CDH18: variants seen among roughly 807,000 people sequenced by gnomAD.
CDH18 encodes cadherin-18.
CDH18 carries 31 observed loss-of-function variants against 67.9 expected under a neutral mutation model. The ratio of observed to expected loss-of-function variants is 0.46; its 90% CI spans 0.34 to 0.62. The LOEUF is 0.62. CDH18 is among the 20% of genes least tolerant of loss of function. CDH18 has a pLI of 0.01. For synonymous variants in CDH18, 362 were observed against 347.2 expected (o/e 1.04, Z -0.48); for missense variants, 890 against 975.5 (o/e 0.91, Z 1.17).
chr5:19,582,124 T>C (rs1302125177), intron 7 of CDH18, among the ~76,000 whole-genome samples: 1 of 152,016 alleles, frequency 6.6e-6, no homozygotes, highest in Non-Finnish European at 1.5e-5. Flanking sequence ...CATTATATTA[T>C]ACAGAAAGTA....
chr5:19,968,988 A>C lies in CDH18; in HGVS notation c.-257+12072T>G, dbSNP rs1392630002. Among the ~76,000 whole-genome samples the C allele has an allele frequency of 1.3e-4, 17 of 134,152 alleles. No individual in the cohort carries two copies. In the South Asian group the frequency reaches 3.2e-3, roughly 25 times the overall value. 88.0% of individuals were successfully genotyped at this position (134,152 alleles called of 152,430 possible). ...CCAGAATCTACAATGAACTCAAACA[A>C]ATTTACAAGAAAAAAACAAACAACC... is the stretch of plus-strand genomic sequence containing the variant. On this transcript the variant is annotated intron_variant, in intron 2 of 12. Transcript: ENST00000382275.
At chr5:20,547,505 G>A (rs1035942156) in intron 1 of CDH18, among the ~76,000 whole-genome samples, 2 of 151,116 alleles carry the variant, frequency 1.3e-5, no homozygotes, top group African/African-American at 4.9e-5. Context: ...AGGTTGCAAT[G>A]AGTCGAGATC....
At chr5:20,412,903 G>A (rs1433628259) in intron 1 of CDH18, among the ~76,000 whole-genome samples, 1 of 152,122 alleles carries the variant, frequency 6.6e-6, no homozygotes, top group Non-Finnish European at 1.5e-5. Context: ...ATGTTGGTTT[G>A]CTGCACCCAT....
intron 2 of CDH18, among the ~76,000 whole-genome samples, chr5:20,242,599 A>ATATATACATAT (rs1314359446): frequency 1.4e-5 from 1 of 69,852 alleles, no homozygotes; most frequent in African/African-American, 9.6e-5. Context: ...ATTGAGGGAA[A>ATATATACATAT]AAAAAAAAAA....
At chr5:20,095,356 AAAGAAAAGACAG>A (rs1745825738) in intron 2 of CDH18, among the ~76,000 whole-genome samples, 1 of 126,510 alleles carries the variant, frequency 7.9e-6, no homozygotes, top group Admixed American at 8.4e-5. Flanking sequence ...AGAAAGAAAG[AAAGAAAAGACAG>A]AAGAAAGAAA....
intron 1 of CDH18, among the ~76,000 whole-genome samples, chr5:20,457,847 T>C (rs1750952812): frequency 6.6e-6 from 1 of 152,088 alleles, no homozygotes; most frequent in South Asian, 2.1e-4. Context: ...CATTACCTAG[T>C]ACAGTGGCAG....
chr5:19,625,184 T>C lies in CDH18; in HGVS notation c.644-12583A>G, dbSNP rs1751343514. On this transcript the variant is annotated intron_variant, in intron 5 of 12. Transcript: ENST00000382275. ...GTCCTCATACCACCCTCAGTAATAC[T>C]GGCCCCAGGCAATTATGCCTATCCT... 9.2e-5 allele frequency among the ~76,000 whole-genome samples: 14 copies of C among 152,320 alleles called. No homozygotes were observed. The South Asian group carries it at 2.9e-3, about 32-fold the overall frequency.
chr5:20,203,574 G>C (rs1193268042), intron 2 of CDH18, among the ~76,000 whole-genome samples: 2 of 93,272 alleles, frequency 2.1e-5, no homozygotes, highest in Non-Finnish European at 4.0e-5. Context: ...TGACCTAGTG[G>C]AGGGAAAAGA....
At chr5:19,954,475 C>A (rs1796070973) in intron 2 of CDH18, among the ~76,000 whole-genome samples, 1 of 151,808 alleles carries the variant, frequency 6.6e-6, no homozygotes, top group South Asian at 2.1e-4. Context: ...CAAAATATCC[C>A]AAATTAGACT....
At chr5:20,139,304 T>C (rs893309689) in intron 2 of CDH18, among the ~76,000 whole-genome samples, 5 of 152,106 alleles carry the variant, frequency 3.3e-5, no homozygotes, top group African/African-American at 1.2e-4. Flanking sequence ...ACACCTTATA[T>C]AAAAATTAAT....
At chr5:19,520,879 A>C (rs1746794356) in intron 9 of CDH18, 101 bp from the exon 10 acceptor site, 1 of 1,285,538 alleles carries the variant, frequency 7.8e-7, no homozygotes. Flanking sequence ...CTGGTTCCAT[A>C]TGCCATAGCT....
intron 9 of CDH18, among the ~76,000 whole-genome samples, chr5:19,532,966 C>T (rs1040838809): frequency 2.0e-5 from 3 of 152,052 alleles, no homozygotes; most frequent in African/African-American, 4.8e-5. Context: ...TGCAGCATGT[C>T]GAGTTTGAGA....
intron 1 of CDH18, among the ~76,000 whole-genome samples, chr5:20,491,241 G>C (rs1364770459): frequency 6.6e-6 from 1 of 151,370 alleles, no homozygotes; most frequent in Non-Finnish European, 1.5e-5. Context: ...TTAGAAACTT[G>C]AGTATAGTCT....
intron 4 of CDH18, among the ~76,000 whole-genome samples, chr5:19,732,197 T>C (rs1008424601): frequency 2.7e-5 from 4 of 150,494 alleles, no homozygotes. Flanking sequence ...CACAGAACTG[T>C]GGGAGGCCAA....
intron 1 of CDH18, among the ~76,000 whole-genome samples, chr5:20,486,887 A>G (rs549082334): frequency 2.0e-5 from 3 of 152,128 alleles, no homozygotes; most frequent in Non-Finnish European, 4.4e-5. Flanking sequence ...GATTTAAACC[A>G]GATATGGTTT....
chr5:20,308,209 C>T (rs1736655676), intron 1 of CDH18, among the ~76,000 whole-genome samples: 1 of 147,514 alleles, frequency 6.8e-6, no homozygotes, highest in Non-Finnish European at 1.5e-5. Context: ...ACTTCTAAAA[C>T]ATTTTTGTTA....
chr5:19,820,700 C>T (rs1174553261), intron 3 of CDH18, among the ~76,000 whole-genome samples: 1 of 152,186 alleles, frequency 6.6e-6, no homozygotes, highest in Non-Finnish European at 1.5e-5. Context: ...GGGGTTCCCC[C>T]AAGGCCCAGG....
At chr5:20,470,484 T>C (rs1383771824) in intron 1 of CDH18, among the ~76,000 whole-genome samples, 2 of 152,224 alleles carry the variant, frequency 1.3e-5, no homozygotes, top group African/African-American at 4.8e-5. Flanking sequence ...GTAACTTTTC[T>C]GTTTTTTGAA....
intron 1 of CDH18, among the ~76,000 whole-genome samples, chr5:20,450,575 C>T (rs755687911): frequency 1.4e-4 from 21 of 152,084 alleles, no homozygotes; most frequent in Non-Finnish European, 2.6e-4. Context: ...AGTACACACA[C>T]GCATCCCCAC....
Sources: gnomAD v4.1 joint callset for allele counts (sites outside exome capture counted in the v4.1 genomes callset) on GRCh38, gnomAD v4.1.1 for gene constraint, MANE v1.5 for transcripts, NCBI Gene and HGNC (gene_info 2026-07-23, HGNC 2026-07-21) for gene names.